Variants in UNC5C observed in about 807,000 individuals in gnomAD.
UNC5C encodes the protein netrin receptor UNC5C.
In UNC5C, 47 loss-of-function variants were observed where a neutral mutation model predicts 99.8. The observed-to-expected ratio is 0.47, with a 90% CI of 0.37 to 0.60. The LOEUF (loss-of-function observed/expected upper bound fraction) is 0.60, where lower values mean the gene tolerates loss of function less well. Among genes scored for constraint, UNC5C ranks in the 20% least tolerant of loss-of-function variants. The pLI, the probability that UNC5C is intolerant of heterozygous loss-of-function variation, is 0.00. For synonymous variants in UNC5C, 487 were observed against 452.2 expected (o/e 1.08, Z -0.98); for missense variants, 1,062 against 1,165.9 (o/e 0.91, Z 1.30).
At chr4:95,419,030 T>C (rs1746247177) in intron 1 of UNC5C, among the ~76,000 whole-genome samples, 1 of 152,166 alleles carries the variant, frequency 6.6e-6, no homozygotes. Context: ...TATTTAAGCA[T>C]CTCTTATTTT....
At chr4:95,370,172 A>G (rs1744702145) in intron 1 of UNC5C, among the ~76,000 whole-genome samples, 1 of 152,150 alleles carries the variant, frequency 6.6e-6, no homozygotes. Flanking sequence ...ATATGATTAA[A>G]TTTCAAAGAC....
At position 95,245,098 on chromosome 4, in the gene UNC5C, G is replaced by A. The variant is rs199886235; in HGVS notation, c.822C>T (p.Ser274=). The change falls in exon 6 of 16, where the codon AGC becomes AGT. Residue 274 remains serine (S), a synonymous_variant. Transcript: ENST00000453304. ...STWTEWSVCN[S]RCGRGYQKRT... ...GTTTCTGATACCCTCGTCCACAGCG[G>A]CTGTTACACACAGACCACTCCGTCC... 6.2e-7 allele frequency: 1 copy of A among 1,614,092 alleles called. No homozygotes were observed. The highest frequency in any genetic ancestry group is 8.5e-7 in the Non-Finnish European group (1 of 1,180,006).
At chr4:95,375,366 A>G (rs1744863641) in intron 1 of UNC5C, among the ~76,000 whole-genome samples, 3 of 152,292 alleles carry the variant, frequency 2.0e-5, no homozygotes, top group African/African-American at 4.8e-5. Context: ...TACATTATCC[A>G]TACTTCCAAA....
In UNC5C at chr4:95,202,946, C is replaced by G. The variant is rs1265086741; in HGVS notation, c.1921G>C (p.Glu641Gln). 1.2e-6 allele frequency: 2 copies of G among 1,613,962 alleles called. No individual in the cohort carries two copies. The highest frequency in any genetic ancestry group is 1.7e-6 in the Non-Finnish European group (2 of 1,180,026). Reference sequence around the variant, plus strand: ...TAGCAGGGGGTGGTGAAGTTTTCCTCCCCGACCACCACCACATCCTGGGGG... The same window carrying G: ...TAGCAGGGGGTGGTGAAGTTTTCCTGCCCGACCACCACCACATCCTGGGGG... ...GQWEDVVVVGEENFTTPCYIQ... is the reference protein window; with the variant it reads ...GQWEDVVVVGQENFTTPCYIQ... Residue 641 changes from glutamate to glutamine, a missense_variant, in exon 12 of 16, where the codon GAG (glutamate) becomes CAG (glutamine). Coordinates refer to ENST00000453304, the MANE Select transcript of UNC5C (RefSeq NM_003728.4).
chr4:95,315,287 T>C (rs1742432108), intron 2 of UNC5C, among the ~76,000 whole-genome samples: 1 of 152,178 alleles, frequency 6.6e-6, no homozygotes, highest in Non-Finnish European at 1.5e-5. Flanking sequence ...CATGTTAGAA[T>C]GGTACATTCA....
intron 1 of UNC5C, among the ~76,000 whole-genome samples, chr4:95,453,918 T>C (rs1283805547): frequency 1.3e-5 from 2 of 152,230 alleles, no homozygotes; most frequent in East Asian, 3.9e-4. Flanking sequence ...TTGTAATTTG[T>C]ACATATTTAA....
chr4:95,467,273 A>G (rs574360154), intron 1 of UNC5C, among the ~76,000 whole-genome samples: 1 of 152,304 alleles, frequency 6.6e-6, no homozygotes, highest in South Asian at 2.1e-4. Context: ...TGTTGGGGTA[A>G]TTTGTTACGC....
At chr4:95,328,311 C>A (rs1211924589) in intron 2 of UNC5C, among the ~76,000 whole-genome samples, 1 of 91,550 alleles carries the variant, frequency 1.1e-5, no homozygotes, top group East Asian at 5.0e-4. Flanking sequence ...TGAGAATATG[C>A]GGTGTTTGGT....
chr4:95,453,655 C>G (rs1476033741), intron 1 of UNC5C, among the ~76,000 whole-genome samples: 1 of 151,916 alleles, frequency 6.6e-6, no homozygotes, highest in Non-Finnish European at 1.5e-5. Flanking sequence ...CATATAAAGG[C>G]ATTGTGCTAA....
chr4:95,223,355 G>T (rs1416504694), intron 7 of UNC5C, among the ~76,000 whole-genome samples: 2 of 152,074 alleles, frequency 1.3e-5, no homozygotes, highest in African/African-American at 2.4e-5. Context: ...ATACTCAAGG[G>T]CAAAAAACAG....
At chr4:95,280,557 C>A (rs575440732) in intron 3 of UNC5C, among the ~76,000 whole-genome samples, 3 of 151,900 alleles carry the variant, frequency 2.0e-5, no homozygotes, top group Admixed American at 2.0e-4. Flanking sequence ...GGCATGGTGG[C>A]GTGGGCCTGT....
At chr4:95,260,066 C>G (rs1434362119) in intron 4 of UNC5C, among the ~76,000 whole-genome samples, 1 of 152,134 alleles carries the variant, frequency 6.6e-6, no homozygotes, top group Non-Finnish European at 1.5e-5. Flanking sequence ...TGAAAGTACA[C>G]CTATGTTGGT....
At chr4:95,458,059 GT>G (rs2149469853) in intron 1 of UNC5C, among the ~76,000 whole-genome samples, 1 of 152,222 alleles carries the variant, frequency 6.6e-6, no homozygotes, top group African/African-American at 2.4e-5. Flanking sequence ...AGTTTGTGTA[GT>G]GTGTGTGTAC....
In UNC5C at chr4:95,168,404, A is replaced by G. The variant is rs74288925; in HGVS notation, c.*830T>C. ...ACAAAAATAGAAATTTAAAAAAATC[A>G]TTTTACCAGAATACCTGTAAATAAT... is the stretch of plus-strand genomic sequence containing the variant. On this transcript the variant is annotated 3_prime_UTR_variant, in exon 16 of 16. Transcript: ENST00000453304. The G allele has an allele frequency of 2.2e-4, 33 of 152,552 alleles. No homozygotes were observed. The East Asian group carries it at 3.5e-3, about 16-fold the overall frequency. The allele number at this position is 152,552 out of a possible 1,614,324, so 9.4% of individuals were successfully genotyped here. A position where few individuals can be genotyped will look rare whatever the true frequency, so the allele number is the denominator to read the frequency against.
At chr4:95,361,073 T>A (rs973917328) in intron 1 of UNC5C, among the ~76,000 whole-genome samples, 26 of 152,244 alleles carry the variant, frequency 1.7e-4, no homozygotes, top group African/African-American at 6.0e-4. Flanking sequence ...TTCCCAAAGT[T>A]TGAGAGAGCA....
At chr4:95,426,797 C>T (rs960318682) in intron 1 of UNC5C, among the ~76,000 whole-genome samples, 1 of 152,170 alleles carries the variant, frequency 6.6e-6, no homozygotes, top group Non-Finnish European at 1.5e-5. Context: ...GCTGAGAGAA[C>T]TGAGGAAGCT....
At chr4:95,443,640 A>G (rs545465955) in intron 1 of UNC5C, among the ~76,000 whole-genome samples, 1 of 152,318 alleles carries the variant, frequency 6.6e-6, no homozygotes, top group Non-Finnish European at 1.5e-5. Flanking sequence ...TTTATTATTT[A>G]ACCATCTTTT....
At chr4:95,224,042 A>C (rs968465861) in intron 7 of UNC5C, among the ~76,000 whole-genome samples, 1 of 152,148 alleles carries the variant, frequency 6.6e-6, no homozygotes, top group Non-Finnish European at 1.5e-5. Flanking sequence ...CAGAACTTTA[A>C]GATGCTGAGG....
chr4:95,516,180 T>C lies in UNC5C; in HGVS notation c.124+32554A>G, dbSNP rs142786795. Among the ~76,000 whole-genome samples the C allele has an allele frequency of 3.3e-3, 497 of 152,306 alleles. 4 individuals are homozygous for C. Among genetic ancestry groups the C allele is most frequent in the African/African-American group, 0.012 (479 of 41,576 alleles). On this transcript the variant is annotated intron_variant, in intron 1 of 15. Coordinates refer to ENST00000453304, the MANE Select transcript of UNC5C (RefSeq NM_003728.4). ...TGAATCCTTAAAAATAATTCAGTTA[T>C]AGTTAATTATACTGCTTGAATAAAA... is the stretch of plus-strand genomic sequence containing the variant.
Sources: allele counts gnomAD v4.1 joint callset (sites outside exome capture counted in the v4.1 genomes callset), GRCh38; gene constraint gnomAD v4.1.1; transcripts MANE v1.5; gene names NCBI Gene and HGNC (gene_info 2026-07-23, HGNC 2026-07-21).